The following ABCA7 variants were observed in gnomAD, a reference collection of about 807,000 sequenced individuals.
The protein encoded by ABCA7 is ATP binding cassette subfamily A member 7.
ABCA7 carries 261 observed loss-of-function variants against 227.6 expected under a neutral mutation model. That is an observed-to-expected ratio of 1.15 (90% CI 1.04 to 1.27). ABCA7 has a LOEUF of 1.27. Among genes scored for constraint, ABCA7 ranks in the 50% most tolerant of loss-of-function variants. The probability of loss-of-function intolerance (pLI) is 0.00; values close to 1 mark genes in which losing one functional copy is unlikely to be tolerated. For synonymous variants in ABCA7, 1,488 were observed against 1,279.7 expected (o/e 1.16, Z -3.47); for missense variants, 3,331 against 2,924.5 (o/e 1.14, Z -3.21).
At chr19:1,052,515 AGGAG>A (rs2144839121) in intron 23 of ABCA7, among the ~76,000 whole-genome samples, 1 of 104 alleles carries the variant, frequency 9.6e-3, no homozygotes, top group Non-Finnish European at 0.019. Context: ...GAGGAGGGGG[AGGAG>A]AAGGGGGGAG....
At position 1,056,959 on chromosome 19, in the gene ABCA7, T is replaced by A; in HGVS notation, c.4639T>A (p.Ser1547Thr). 1.2e-6 allele frequency: 2 copies of A among 1,614,096 alleles called. No homozygotes were observed. The highest frequency in any genetic ancestry group is 1.7e-6 in the Non-Finnish European group (2 of 1,180,016). The change falls in exon 34 of 47, where the codon TCC becomes ACC. Residue 1547 changes from serine to threonine, a missense_variant. Physicochemically the swap from Ser to Thr is moderately conservative, Grantham distance 58 (BLOSUM62 1). Transcript: ENST00000263094. This position sits in a 1 kb window ranked among gnomAD's most constrained non-coding sequence, Gnocchi z 4.3. The stretch of plus-strand genomic sequence containing the variant: ...CTCCATCTGTGTGGTCTTTGCCATG[T>A]CCTTTGTCCCGGCCAGCTTCACTCT... ...LVSICVVFAM[S>T]FVPASFTLVL...
In ABCA7 at chr19:1,052,058, C is replaced by T. The variant is rs767358390; in HGVS notation, c.3079C>T (p.Arg1027Cys). 10 of 1,612,242 alleles carry T rather than the reference C, an allele frequency of 6.2e-6. No homozygotes were observed. Among genetic ancestry groups the T allele is most frequent in the Admixed American group, 3.3e-5 (2 of 59,976 alleles). ...CTGTGGCTCCCCACTCTTCCTGCGCCGTCACCTGGGCTCCGGCTACTACCT... is the reference window on the plus strand; with the variant it reads ...CTGTGGCTCCCCACTCTTCCTGCGCTGTCACCTGGGCTCCGGCTACTACCT... ...CCCGSPLFLR[R>C]HLGSGYYLTL... is the part of the protein sequence containing the mutation. Residue 1027 changes from arginine to cysteine, a missense_variant, in exon 22 of 47, where the codon CGT becomes TGT. Coordinates refer to ENST00000263094, the MANE Select transcript of ABCA7 (RefSeq NM_019112.4).
At chr19:1,042,499 C>T (rs780192436) in intron 6 of ABCA7, 102 bp downstream of exon 6, 2 of 1,405,512 alleles carry the variant, frequency 1.4e-6, no homozygotes, top group African/African-American at 1.4e-5. Context: ...TTCCAGGCAT[C>T]CAGGCTGTCC....
At position 1,058,682 on chromosome 19, in the gene ABCA7, G is replaced by T. The variant is rs776833570; in HGVS notation, c.5214G>T (p.Val1738=). ...TCGGCAAGAACCTCTTGGCCATGGTGATACAGGGGCCCCTCTTCCTTCTCT... is the reference window on the plus strand; with the variant it reads ...TCGGCAAGAACCTCTTGGCCATGGTTATACAGGGGCCCCTCTTCCTTCTCT... ...EVVGKNLLAM[V]IQGPLFLLFT... is the part of the protein sequence containing the mutation. Residue 1738 remains valine (V), a synonymous_variant, in exon 38 of 47, where the codon GTG becomes GTT. Transcript: ENST00000263094. 88 of 1,613,866 alleles carry T rather than the reference G, an allele frequency of 5.5e-5. No individual in the cohort carries two copies. The East Asian group carries it at 2.0e-3, about 36-fold the overall frequency.
At chr19:1,060,054 A>G (rs549559453) in intron 40 of ABCA7, among the ~76,000 whole-genome samples, 11 of 152,220 alleles carry the variant, frequency 7.2e-5, no homozygotes, top group African/African-American at 2.4e-4. Context: ...CACAGCCAGC[A>G]TTTATCAGGC....
Position 1,054,624 on chromosome 19 carries a change from C to A in ABCA7, c.3781C>A (p.Pro1261Thr). The change falls in exon 28 of 47, where the codon CCT becomes ACT. Residue 1261 changes from proline to threonine, a missense_variant. Pro to Thr is a conservative substitution (Grantham distance 38). Transcript: ENST00000263094. The surrounding 1 kb of genome is among the most constrained non-coding windows in gnomAD (Gnocchi z 4.8). ...GLALVFSLIV[P>T]PFGHYPALRL... is the part of the protein sequence containing the mutation. ...GGCCCTCGTGTTCAGCCTCATCGTG[C>A]CTCCTTTCGGGCACTACCCGGCTCT... is the stretch of plus-strand genomic sequence containing the variant. 1 of 1,613,386 alleles carries A rather than the reference C, an allele frequency of 6.2e-7. No individual in the cohort carries two copies. Among genetic ancestry groups the A allele is most frequent in the South Asian group, 1.1e-5 (1 of 91,086 alleles).
chr19:1,049,376 T>G lies in ABCA7; in HGVS notation c.2491T>G (p.Phe831Val), dbSNP rs751826868. ...QPALRGLSLDFYQGHITAFLG... is the reference protein window; with the variant it reads ...QPALRGLSLDVYQGHITAFLG... ...AGCCCTGCGGGGGCTCAGCCTGGAC[T>G]TCTACCAGGGCCACATCACCGCCTT... Residue 831 changes from phenylalanine to valine, a missense_variant, in exon 18 of 47, where the codon TTC becomes GTC. Phe to Val is a conservative substitution (Grantham distance 50). Transcript: ENST00000263094. The G allele has an allele frequency of 1.2e-6, 2 of 1,611,248 alleles. No homozygotes were observed. The highest frequency in any genetic ancestry group is 1.7e-6 in the Non-Finnish European group (2 of 1,179,062).
Position 1,044,626 on chromosome 19 carries a change from G to T in ABCA7, c.1097G>T (p.Gly366Val). 1 of 1,613,264 alleles carries T rather than the reference G, an allele frequency of 6.2e-7. No individual in the cohort carries two copies. ...GGAAGAAGGCAGCCCAGACCTGGAG[G>T]CCGGGACCACATGGAGGCCCTGCGA... ...DEGRRQPRPG[G>V]RDHMEALRSF... is the part of the protein sequence containing the mutation. Residue 366 changes from glycine to valine, a missense_variant, in exon 11 of 47, where the codon GGC becomes GTC. By Grantham distance (109) the Gly-to-Val change is moderately radical. Coordinates refer to ENST00000263094, the MANE Select transcript of ABCA7 (RefSeq NM_019112.4).
Position 1,056,017 on chromosome 19 carries a change from C to T in ABCA7, c.4239-49C>T, listed in dbSNP as rs553704258. 7.9e-5 allele frequency: 120 copies of T among 1,513,952 alleles called. No individual in the cohort carries two copies. Among genetic ancestry groups the T allele is most frequent in the Middle Eastern group, 5.3e-4 (3 of 5,714 alleles). The allele number at this position is 1,513,952 out of a possible 1,614,324, so 93.8% of individuals were successfully genotyped here. A position where few individuals can be genotyped will look rare whatever the true frequency, so the allele number is the denominator to read the frequency against. On this transcript the variant is annotated intron_variant, in intron 31 of 46. Transcript: ENST00000263094. This position sits in a 1 kb window ranked among gnomAD's most constrained non-coding sequence, Gnocchi z 4.3. ...TCTGCCTGCCCCCTGGGAGCTCTCC[C>T]GGCCCCCCCGGCCCTCAGCTCCCCT...
chr19:1,056,136 G>C lies in ABCA7; in HGVS notation c.4309G>C (p.Glu1437Gln), dbSNP rs1487851916. 1.9e-6 allele frequency: 3 copies of C among 1,609,786 alleles called. No homozygotes were observed. The highest frequency in any genetic ancestry group is 1.3e-5 in the African/African-American group (1 of 74,934). Residue 1437 changes from glutamate to glutamine, a missense_variant, in exon 32 of 47, where the codon GAG (glutamate) becomes CAG (glutamine). Glu to Gln is a conservative substitution (Grantham distance 29, BLOSUM62 2). Transcript: ENST00000263094. This position sits in a 1 kb window ranked among gnomAD's most constrained non-coding sequence, Gnocchi z 4.3. The stretch of plus-strand genomic sequence containing the variant: ...GGGCCAAGAGTTGGGCCGCTCAGTG[G>C]AGGAGTTGTGGGCGCTGCTGAGTCC... The part of the protein sequence containing the change: ...PSGQELGRSV[E>Q]ELWALLSPLP...
Position 1,058,623 on chromosome 19 carries a change from A to G in ABCA7, c.5155A>G (p.Arg1719Gly), listed in dbSNP as rs889118454. Residue 1719 changes from arginine to glycine, a missense_variant, in exon 38 of 47, where the codon AGG (arginine) becomes GGG (glycine). By Grantham distance (125) the Arg-to-Gly change is moderately radical. Transcript: ENST00000263094. ...CCTCCTTTCTATATCCACAGGAGACAGGCAGTTCCAGTCACCCCTGCGCTG... is the reference window on the plus strand; with the variant it reads ...CCTCCTTTCTATATCCACAGGAGACGGGCAGTTCCAGTCACCCCTGCGCTG... ...MADAFERLGD[R>G]QFQSPLRWEV... is the part of the protein sequence containing the mutation. The G allele has an allele frequency of 6.2e-7, 1 of 1,613,690 alleles. No individual in the cohort carries two copies. Among genetic ancestry groups the G allele is most frequent in the Non-Finnish European group, 8.5e-7 (1 of 1,179,968 alleles).
chr19:1,064,265 C>T lies in ABCA7; in HGVS notation c.6044+12C>T, dbSNP rs562707205. 1.3e-6 allele frequency: 2 copies of T among 1,548,788 alleles called. No homozygotes were observed. The highest frequency in any genetic ancestry group is 2.4e-5 in the East Asian group (1 of 41,176). On this transcript the variant is annotated intron_variant, in intron 45 of 46. Coordinates refer to ENST00000263094, the MANE Select transcript of ABCA7 (RefSeq NM_019112.4). The stretch of plus-strand genomic sequence containing the variant: ...CATCTCAAGGGCAGGTGAGCCGGCG[C>T]GGCCTCCAGGCAGGTGTGGGGTGAG...
At chr19:1,057,533 A>G in intron 35 of ABCA7, 104 bp downstream of exon 35, 1 of 1,191,136 alleles carries the variant, frequency 8.4e-7, no homozygotes, top group South Asian at 1.3e-5. Context: ...AGGAGAGGAT[A>G]TGGAGGTCTG....
chr19:1,041,230 C>T lies in ABCA7; in HGVS notation c.-132C>T. ...GTTTGCCTCGCTCTAATCAGAGCTT[C>T]CAGGAACCCTGCGCTGTGGGATAAA... is the stretch of plus-strand genomic sequence containing the variant. On this transcript the variant is annotated 5_prime_UTR_variant, in exon 2 of 47. Coordinates refer to ENST00000263094, the MANE Select transcript of ABCA7 (RefSeq NM_019112.4). 1.1e-5 allele frequency: 10 copies of T among 944,144 alleles called. No homozygotes were observed. Among genetic ancestry groups the T allele is most frequent in the Middle Eastern group, 2.6e-4 (1 of 3,832 alleles). 58.5% of individuals were successfully genotyped at this position (944,144 alleles called of 1,614,324 possible).
rs182372609 is a variant in ABCA7, at chr19:1,059,898, C to T, written c.5463+813C>T. ...CTTGAGCCAACAAAACCTCATTAAGCACCTACTGCATGCTTACCTCTGTTA... is the reference window on the plus strand; with the variant it reads ...CTTGAGCCAACAAAACCTCATTAAGTACCTACTGCATGCTTACCTCTGTTA... On this transcript the variant is annotated intron_variant, in intron 40 of 46. Coordinates refer to ENST00000263094, the MANE Select transcript of ABCA7 (RefSeq NM_019112.4). 5.9e-5 allele frequency among the ~76,000 whole-genome samples: 9 copies of T among 152,276 alleles called. No individual in the cohort carries two copies. The East Asian group carries it at 1.7e-3, about 29-fold the overall frequency.
chr19:1,058,659 G>C lies in ABCA7; in HGVS notation c.5191G>C (p.Gly1731Arg), dbSNP rs188971580. ...GTCACCCCTGCGCTGGGAGGTGGTC[G>C]GCAAGAACCTCTTGGCCATGGTGAT... ...FQSPLRWEVV[G>R]KNLLAMVIQG... The change falls in exon 38 of 47, where the codon GGC becomes CGC. Residue 1731 changes from glycine to arginine, a missense_variant. Coordinates refer to ENST00000263094, the MANE Select transcript of ABCA7 (RefSeq NM_019112.4). The C allele has an allele frequency of 2.5e-6, 4 of 1,613,772 alleles. No homozygotes were observed. Among genetic ancestry groups the C allele is most frequent in the Non-Finnish European group, 3.4e-6 (4 of 1,180,014 alleles).
intron 10 of ABCA7, among the ~76,000 whole-genome samples, chr19:1,044,238 CTTTTTTTTTTT>C (rs4147941): frequency 1.4e-5 from 1 of 69,672 alleles, no homozygotes; most frequent in African/African-American, 6.8e-5. Flanking sequence ...CCACGTCCTG[CTTTTTTTTTTT>C]TTTTTTTTTT....
chr19:1,058,576 C>G (rs752403741), intron 37 of ABCA7, 42 bp from the exon 38 acceptor site: 9 of 1,605,504 alleles, frequency 5.6e-6, no homozygotes, highest in Admixed American at 1.8e-5. Context: ...GGCCAGAAAC[C>G]AAGACTCTCA....
At chr19:1,062,008 T>C (rs2042687543) in intron 41 of ABCA7, 120 bp downstream of exon 41, 1 of 1,414,244 alleles carries the variant, frequency 7.1e-7, no homozygotes. Context: ...GCATGGTCTC[T>C]GAGACCCCTG....
Sources: allele counts gnomAD v4.1 joint callset (sites outside exome capture counted in the v4.1 genomes callset), GRCh38; gene constraint gnomAD v4.1.1; non-coding constraint Gnocchi (gnomAD v3.1); transcripts MANE v1.5; gene names NCBI Gene and HGNC (gene_info 2026-07-23, HGNC 2026-07-21).